GALNT12: variants seen among roughly 807,000 people sequenced by gnomAD.
GALNT12 encodes the protein polypeptide N-acetylgalactosaminyltransferase 12.
Under a neutral mutation model 55.5 loss-of-function variants are expected in GALNT12, and 45 were observed. The ratio of observed to expected loss-of-function variants is 0.81; its 90% confidence interval spans 0.64 to 1.04. GALNT12 has a LOEUF of 1.04. GALNT12 is among the 50% of genes least tolerant of loss of function. The pLI is 0.00. For synonymous variants in GALNT12, 304 were observed against 312.2 expected (o/e 0.97, Z 0.28); for missense variants, 709 against 754.8 (o/e 0.94, Z 0.71).
intron 9 of GALNT12, chr9:98,848,710 A>G: frequency 1.7e-6 from 1 of 572,024 alleles, no homozygotes; most frequent in Non-Finnish European, 3.1e-6. Flanking sequence ...GGTATGACAC[A>G]TGCCCAGAGC....
At chr9:98,823,476 C>A in intron 2 of GALNT12, 51 bp downstream of exon 2, 1 of 1,551,990 alleles carries the variant, frequency 6.4e-7, no homozygotes, top group South Asian at 1.1e-5. Flanking sequence ...GTAGCAGTGT[C>A]TGGGAGGTGA....
At chr9:98,845,907 G>C in intron 8 of GALNT12, 70 bp from the exon 9 acceptor site, 1 of 1,541,634 alleles carries the variant, frequency 6.5e-7, no homozygotes, top group East Asian at 2.3e-5. Flanking sequence ...CCAGGTTCTT[G>C]TCCAGCGATC....
chr9:98,810,039 G>A (rs1835462287), intron 1 of GALNT12, among the ~76,000 whole-genome samples: 1 of 152,356 alleles, frequency 6.6e-6, no homozygotes, highest in South Asian at 2.1e-4. Flanking sequence ...AGCCTGAGCT[G>A]TGTGGGTCTC....
Position 98,837,148 on chromosome 9 carries a change from G to T in GALNT12, c.1212G>T (p.Leu404Phe). 6.2e-7 allele frequency: 1 copy of T among 1,614,136 alleles called. No homozygotes were observed. The highest frequency in any genetic ancestry group is 1.1e-5 in the South Asian group (1 of 91,084). Reference sequence around the variant, plus strand: ...ACCATCGCAACCCCCGTGCCCGCTTGGTGAGTTCCTCGGCCCACCTGCACT... The same window carrying T: ...ACCATCGCAACCCCCGTGCCCGCTTTGTGAGTTCCTCGGCCCACCTGCACT... ...LYYHRNPRAR[L>F]EPFGDVTERK... Residue 404 changes from leucine to phenylalanine, a missense_variant and splice_region_variant, in exon 6 of 10, where the codon TTG becomes TTT. Coordinates refer to ENST00000375011, the MANE Select transcript of GALNT12 (RefSeq NM_024642.5).
rs868590153 is a variant in GALNT12, at chr9:98,837,081, G to A, written c.1145G>A (p.Arg382His). The A allele has an allele frequency of 2.5e-5, 41 of 1,614,062 alleles. No individual in the cohort carries two copies. Among genetic ancestry groups the A allele is most frequent in the Admixed American group, 1.2e-4 (7 of 60,000 alleles). ...SRNKALANSV[R>H]AAEVWMDEFK... ...AACAAGGCTCTGGCCAACAGTGTTC[G>A]TGCAGCTGAAGTATGGATGGATGAA... Residue 382 changes from arginine (R) to histidine (H), a missense_variant, in exon 6 of 10, where the codon CGT becomes CAT. Arg to His is a conservative substitution (Grantham distance 29, BLOSUM62 0). This residue lies in a region of GALNT12 where 262 missense variants were observed against 310.7 expected (regional missense o/e 0.84). Transcript: ENST00000375011.
intron 5 of GALNT12, among the ~76,000 whole-genome samples, chr9:98,836,182 G>A (rs868218995): frequency 6.6e-6 from 1 of 152,130 alleles, no homozygotes. Context: ...ACTCTACATG[G>A]CCCGTGAAAA....
At chr9:98,822,292 C>T (rs923272850) in intron 1 of GALNT12, among the ~76,000 whole-genome samples, 1 of 152,230 alleles carries the variant, frequency 6.6e-6, no homozygotes, top group African/African-American at 2.4e-5. Flanking sequence ...ACTCTCCCAC[C>T]TTCCCATCAG....
Position 98,831,926 on chromosome 9 carries a change from A to T in GALNT12, c.886A>T (p.Ile296Leu). Residue 296 changes from isoleucine to leucine, a missense_variant, in exon 4 of 10, where the codon ATA becomes TTA. Physicochemically the swap from Ile to Leu is conservative, Grantham distance 5 (BLOSUM62 2). Transcript: ENST00000375011. ...GCACACAGTTCCTGAGAGGGAGAGG[A>T]TACGGATGCAATCCCCCGTCGATGT... ...TWHTVPERERIRMQSPVDVIR... is the reference protein window; with the variant it reads ...TWHTVPERERLRMQSPVDVIR... 6.2e-7 allele frequency: 1 copy of T among 1,613,996 alleles called. No individual in the cohort carries two copies. Among genetic ancestry groups the T allele is most frequent in the Non-Finnish European group, 8.5e-7 (1 of 1,179,992 alleles).
chr9:98,848,059 C>T (rs945405875), intron 9 of GALNT12, among the ~76,000 whole-genome samples: 4 of 152,170 alleles, frequency 2.6e-5, no homozygotes, highest in African/African-American at 9.7e-5. Flanking sequence ...AAGTGATCCA[C>T]CTGCCTCAGC....
chr9:98,831,856 G>A lies in GALNT12; in HGVS notation c.816G>A (p.Gly272=). The A allele has an allele frequency of 1.2e-6, 2 of 1,614,194 alleles. No individual in the cohort carries two copies. Among genetic ancestry groups the A allele is most frequent in the Non-Finnish European group, 1.7e-6 (2 of 1,180,040 alleles). ...CCTTCGAATACCTGGGGAACTCCGG[G>A]GAGCCCCAGATCGGCGGTTTCGACT... ...WNTFEYLGNS[G]EPQIGGFDWR... Residue 272 remains glycine, a synonymous_variant, in exon 4 of 10, where the codon GGG becomes GGA. Coordinates refer to ENST00000375011, the MANE Select transcript of GALNT12 (RefSeq NM_024642.5).
rs572700544 is a variant in GALNT12, at chr9:98,846,117, G to A, written c.1599G>A (p.Leu533=). The change falls in exon 9 of 10, where the codon TTG becomes TTA. Residue 533 remains leucine, a synonymous_variant. Transcript: ENST00000375011. ...CCCCAGAGAATCAGAAGTTCATCTT[G>A]CAGGAGGTAGGTGAACTCTCTCCTT... ...ETAPENQKFI[L]QEDGSLFHEQ... 2 of 1,614,160 alleles carry A rather than the reference G, an allele frequency of 1.2e-6. No individual in the cohort carries two copies. The highest frequency in any genetic ancestry group is 2.2e-5 in the East Asian group (1 of 44,876).
chr9:98,846,078 C>G lies in GALNT12; in HGVS notation c.1560C>G (p.Leu520=), dbSNP rs1192805570. The G allele has an allele frequency of 6.2e-7, 1 of 1,614,220 alleles. No individual in the cohort carries two copies. Among genetic ancestry groups the G allele is most frequent in the South Asian group, 1.1e-5 (1 of 91,084 alleles). ...GAATGGATACCCTTATCATGCATCT[C>G]TGCGAAGAAACTGCCCCAGAGAATC... ...EAGMDTLIMH[L]CEETAPENQK... is the part of the protein sequence containing the mutation. The change falls in exon 9 of 10, where the codon CTC becomes CTG. Residue 520 remains leucine, a synonymous_variant. Transcript: ENST00000375011.
At chr9:98,844,060 A>G (rs943829663) in intron 7 of GALNT12, 36 bp from the exon 8 acceptor site, 36 of 1,440,586 alleles carry the variant, frequency 2.5e-5, no homozygotes, top group Non-Finnish European at 3.5e-5. Context: ...GTGTCTATAA[A>G]TCTGGACTGA....
At chr9:98,828,839 T>C (rs1276207352) in intron 3 of GALNT12, among the ~76,000 whole-genome samples, 1 of 140,870 alleles carries the variant, frequency 7.1e-6, no homozygotes, top group South Asian at 2.4e-4. Flanking sequence ...TCTTTTTTTC[T>C]TTTTTTTTTA....
intron 6 of GALNT12, 116 bp from the exon 7 acceptor site, chr9:98,839,886 C>A: frequency 1.6e-6 from 2 of 1,289,896 alleles, no homozygotes. Context: ...GCCTGGCATG[C>A]GACGAATGCT....
At chr9:98,827,651 C>T (rs1361975780) in intron 3 of GALNT12, among the ~76,000 whole-genome samples, 2 of 151,924 alleles carry the variant, frequency 1.3e-5, no homozygotes, top group South Asian at 2.1e-4. Context: ...TGCCTAGGGC[C>T]CATGAAACTG....
In GALNT12 at chr9:98,837,090, A is replaced by G. The variant is rs1564259174; in HGVS notation, c.1154A>G (p.Glu385Gly). ...CTGGCCAACAGTGTTCGTGCAGCTG[A>G]AGTATGGATGGATGAATTTAAAGAG... is the stretch of plus-strand genomic sequence containing the variant. ...KALANSVRAA[E>G]VWMDEFKELY... Residue 385 changes from glutamate (E) to glycine (G), a missense_variant, in exon 6 of 10, where the codon GAA becomes GGA. Coordinates refer to ENST00000375011, the MANE Select transcript of GALNT12 (RefSeq NM_024642.5). 11 of 1,614,124 alleles carry G rather than the reference A, an allele frequency of 6.8e-6. No individual in the cohort carries two copies. Among genetic ancestry groups the G allele is most frequent in the Non-Finnish European group, 9.3e-6 (11 of 1,180,016 alleles).
chr9:98,844,065 G>T (rs1245838467), intron 7 of GALNT12, 31 bp from the exon 8 acceptor site: 3 of 1,475,054 alleles, frequency 2.0e-6, no homozygotes, highest in South Asian at 1.1e-5. Flanking sequence ...TATAAATCTG[G>T]ACTGAAATGC....
At chr9:98,833,429 GGGTTT>G (rs1836051155) in intron 4 of GALNT12, among the ~76,000 whole-genome samples, 2 of 152,308 alleles carry the variant, frequency 1.3e-5, no homozygotes, top group Admixed American at 1.3e-4. Context: ...CCAAGGGAAG[GGGTTT>G]GGACTTGACC....
Sources: allele counts gnomAD v4.1 joint callset (sites outside exome capture counted in the v4.1 genomes callset), GRCh38; gene constraint gnomAD v4.1.1; regional missense constraint gnomAD v4.1.1; transcripts MANE v1.5; gene names NCBI Gene and HGNC (gene_info 2026-07-23, HGNC 2026-07-21).